The following PLXNC1 variants were observed in gnomAD, a reference collection of about 807,000 sequenced individuals.
The protein encoded by PLXNC1 is plexin-C1.
Under a neutral mutation model 178.2 loss-of-function variants are expected in PLXNC1, and 75 were observed. The ratio of observed to expected loss-of-function variants is 0.42; its 90% CI spans 0.35 to 0.51. PLXNC1 has a LOEUF of 0.51. PLXNC1 is among the 20% of genes least tolerant of loss of function. PLXNC1 has a pLI of 0.02. For synonymous variants in PLXNC1, 790 were observed against 779.9 expected (o/e 1.01, Z -0.22); for missense variants, 1,503 against 1,984.4 (o/e 0.76, Z 4.61).
chr12:94,235,385 G>A (rs570569707), intron 9 of PLXNC1, among the ~76,000 whole-genome samples: 1 of 152,294 alleles, frequency 6.6e-6, no homozygotes, highest in East Asian at 1.9e-4. Flanking sequence ...GCAGAGAATG[G>A]AGAAGAAGCA....
At chr12:94,239,435 T>C (rs1964322421) in intron 10 of PLXNC1, among the ~76,000 whole-genome samples, 1 of 152,246 alleles carries the variant, frequency 6.6e-6, no homozygotes, top group African/African-American at 2.4e-5. Context: ...AACCTGAAAA[T>C]GTGCGTCTGA....
chr12:94,197,464 T>C (rs1255097473), intron 4 of PLXNC1, among the ~76,000 whole-genome samples: 1 of 152,072 alleles, frequency 6.6e-6, no homozygotes, highest in Non-Finnish European at 1.5e-5. Flanking sequence ...TCTCTCTGTC[T>C]CTCTCTCCCT....
In PLXNC1 at chr12:94,260,985, CAG is replaced by C. The variant is rs368037564; in HGVS notation, c.3450+152_3450+153del. On this transcript the variant is annotated intron_variant, in intron 20 of 30. Coordinates refer to ENST00000258526, the MANE Select transcript of PLXNC1 (RefSeq NM_005761.3). The surrounding 1 kb of genome is among the most constrained non-coding windows in gnomAD (Gnocchi z 4.4). ...GTTTCGTCTTGGTCCTGACCCAGAA[CAG>C]AGAGAGGGAAAGTAAACATTGTTTT... 4.2e-6 allele frequency: 3 copies of C among 706,626 alleles called. No homozygotes were observed. The highest frequency in any genetic ancestry group is 1.6e-5 in the South Asian group (1 of 61,976). 43.8% of individuals were successfully genotyped at this position (706,626 alleles called of 1,614,324 possible). A position where few individuals can be genotyped will look rare whatever the true frequency, so the allele number is the denominator to read the frequency against.
At chr12:94,281,401 T>G (rs1263136598) in intron 22 of PLXNC1, among the ~76,000 whole-genome samples, 1 of 152,054 alleles carries the variant, frequency 6.6e-6, no homozygotes, top group Non-Finnish European at 1.5e-5. Flanking sequence ...ACATAAGGGG[T>G]GTCAGCCGCC....
At chr12:94,173,596 C>T (rs1013817727) in intron 2 of PLXNC1, among the ~76,000 whole-genome samples, 5 of 152,130 alleles carry the variant, frequency 3.3e-5, no homozygotes, top group African/African-American at 9.7e-5. Context: ...AACCTGAGGC[C>T]TCGAGAGGTT....
chr12:94,176,280 T>C (rs1337770857), intron 2 of PLXNC1: 1 of 152,228 alleles, frequency 6.6e-6, no homozygotes, highest in Non-Finnish European at 1.5e-5. Flanking sequence ...TTTGTCTGTG[T>C]GTTGATATTC....
chr12:94,181,674 C>A, intron 3 of PLXNC1, 94 bp downstream of exon 3: 2 of 1,149,152 alleles, frequency 1.7e-6, no homozygotes, highest in Non-Finnish European at 1.3e-6. Flanking sequence ...CTTTGAACTA[C>A]AGAGTTTAAG....
chr12:94,150,623 G>A (rs761087807), intron 1 of PLXNC1, among the ~76,000 whole-genome samples: 1 of 152,262 alleles, frequency 6.6e-6, no homozygotes, highest in Non-Finnish European at 1.5e-5. Context: ...CTGCAACAGA[G>A]GCTTGCGCTG....
intron 23 of PLXNC1, 130 bp downstream of exon 23, chr12:94,282,531 GA>G: frequency 1.5e-6 from 1 of 646,524 alleles, no homozygotes; most frequent in East Asian, 2.8e-5. Flanking sequence ...GTCTGGGGCT[GA>G]AGTTTTCTTT....
chr12:94,287,399 CTG>C (rs1159342390), intron 23 of PLXNC1, among the ~76,000 whole-genome samples: 1 of 152,208 alleles, frequency 6.6e-6, no homozygotes, highest in Admixed American at 6.5e-5. Flanking sequence ...TCCCCTAGGA[CTG>C]TGGCAGGGTG....
intron 7 of PLXNC1, 31 bp downstream of exon 7, chr12:94,224,346 C>T (rs1171726683): frequency 3.6e-6 from 4 of 1,109,426 alleles, no homozygotes; most frequent in South Asian, 1.2e-5. Flanking sequence ...TGAATATTCT[C>T]TCGTTGATCT....
intron 3 of PLXNC1, among the ~76,000 whole-genome samples, chr12:94,181,823 T>C (rs191301263): frequency 1.3e-5 from 2 of 152,162 alleles, no homozygotes; most frequent in Non-Finnish European, 2.9e-5. Flanking sequence ...TGCCAAGTTT[T>C]TCAGAGGAGG....
chr12:94,164,888 C>T (rs1176861962), intron 1 of PLXNC1, among the ~76,000 whole-genome samples: 2 of 152,074 alleles, frequency 1.3e-5, no homozygotes, highest in African/African-American at 4.8e-5. Context: ...TGCTTAGACA[C>T]GGCAGGAAGG....
At chr12:94,219,694 A>T (rs1288335332) in intron 5 of PLXNC1, among the ~76,000 whole-genome samples, 1 of 152,228 alleles carries the variant, frequency 6.6e-6, no homozygotes, top group African/African-American at 2.4e-5. Flanking sequence ...GCTCTTGAAA[A>T]TTGATAAGAA....
At chr12:94,240,373 G>C in intron 10 of PLXNC1, 112 bp from the exon 11 acceptor site, 1 of 802,708 alleles carries the variant, frequency 1.2e-6, no homozygotes, top group East Asian at 2.6e-5. Context: ...CAGCTGTTCT[G>C]CTCCTTCATG....
Position 94,305,244 on chromosome 12 carries a change from A to AAAG in PLXNC1, c.4667_4669dup (p.Lys1556_Val1557insGlu), listed in dbSNP as rs773966809. ...AGCTCAGAAACAACTCTTGCATGTAAAAGTCTTATTTGATGAAAAGAAGAA... is the reference window on the plus strand; with the variant it reads ...AGCTCAGAAACAACTCTTGCATGTAAAAGAAGTCTTATTTGATGAAAAGAAGAA... On this transcript the variant is annotated inframe_insertion, in exon 31 of 31. Coordinates refer to ENST00000258526, the MANE Select transcript of PLXNC1 (RefSeq NM_005761.3). The AAAG allele has an allele frequency of 6.2e-7, 1 of 1,611,520 alleles. No homozygotes were observed. Among genetic ancestry groups the AAAG allele is most frequent in the South Asian group, 1.1e-5 (1 of 90,878 alleles).
At chr12:94,162,225 CAG>C (rs1223835735) in intron 1 of PLXNC1, among the ~76,000 whole-genome samples, 1 of 152,048 alleles carries the variant, frequency 6.6e-6, no homozygotes, top group East Asian at 1.9e-4. Flanking sequence ...TGAAACCTGA[CAG>C]ATTGAAAAGA....
chr12:94,281,666 C>T (rs1966451941), intron 22 of PLXNC1, among the ~76,000 whole-genome samples: 1 of 152,214 alleles, frequency 6.6e-6, no homozygotes, highest in South Asian at 2.1e-4. Flanking sequence ...AGTAATCCCC[C>T]TGCCTCCGCC....
chr12:94,251,525 T>A lies in PLXNC1; in HGVS notation c.2878T>A (p.Phe960Ile). ...CCCTGTCTTGCTAGTGATTGTCATT[T>A]TTGGTAAGTGCCCTGTTTAATTTTG... ...VLPVLLVIVIFAAVGVTRHKS... is the reference protein window; with the variant it reads ...VLPVLLVIVIIAAVGVTRHKS... The change falls in exon 15 of 31, where the codon TTT becomes ATT. Residue 960 changes from phenylalanine to isoleucine, a missense_variant. Physicochemically the swap from Phe to Ile is conservative, Grantham distance 21. Around this residue, in one of 4 missense-constraint regions of PLXNC1, gnomAD observed 639 missense variants for 979.7 expected, o/e 0.65. Coordinates refer to ENST00000258526, the MANE Select transcript of PLXNC1 (RefSeq NM_005761.3). The A allele has an allele frequency of 1.3e-6, 2 of 1,586,452 alleles. No individual in the cohort carries two copies. The highest frequency in any genetic ancestry group is 1.7e-6 in the Non-Finnish European group (2 of 1,154,762).
Sources: allele counts gnomAD v4.1 joint callset (sites outside exome capture counted in the v4.1 genomes callset), GRCh38; gene constraint gnomAD v4.1.1; regional missense constraint gnomAD v4.1.1; non-coding constraint Gnocchi (gnomAD v3.1); transcripts MANE v1.5; gene names NCBI Gene and HGNC (gene_info 2026-07-23, HGNC 2026-07-21).